The following NRXN1 variants were observed in gnomAD, a reference collection of about 807,000 sequenced individuals.
The protein encoded by NRXN1 is neurexin-1.
Under a neutral mutation model 150.9 loss-of-function variants are expected in NRXN1, and 39 were observed. The observed-to-expected ratio is 0.26, with a 90% CI of 0.20 to 0.34. NRXN1 has a LOEUF of 0.34. NRXN1 is among the 10% of genes least tolerant of loss of function. The probability of loss-of-function intolerance (pLI) is 1.00; values close to 1 mark genes in which losing one functional copy is unlikely to be tolerated. For synonymous variants in NRXN1, 924 were observed against 757.0 expected, an observed-to-expected ratio of 1.22 and a Z score of -3.62; for missense variants, 1,815 against 1,949.9, an observed-to-expected ratio of 0.93 and a Z score of 1.30.
chr2:50,326,340 C>G (rs990111794), intron 17 of NRXN1, among the ~76,000 whole-genome samples: 1 of 152,094 alleles, frequency 6.6e-6, no homozygotes, highest in African/African-American at 2.4e-5. Flanking sequence ...AATTTTATCC[C>G]TCAGCTGTTT....
chr2:50,720,638 T>C (rs1299877627), intron 5 of NRXN1, among the ~76,000 whole-genome samples: 1 of 152,168 alleles, frequency 6.6e-6, no homozygotes, highest in Non-Finnish European at 1.5e-5. Context: ...AATATTACAT[T>C]TTGCATTTAT....
rs1456655708 is a variant in NRXN1, at chr2:50,535,584, T to G, written c.2143+2669A>C. The stretch of plus-strand genomic sequence containing the variant: ...TACATATAACAGAATAATTTTTATA[T>G]GATCAAGTCTCCACAAATTCTCAGT... On this transcript the variant is annotated intron_variant, in intron 10 of 22. Coordinates refer to ENST00000401669, the MANE Select transcript of NRXN1 (RefSeq NM_001330078.2). Among the ~76,000 whole-genome samples, 4 of 152,226 alleles carry G rather than the reference T, an allele frequency of 2.6e-5. No homozygotes were observed. In the East Asian group the frequency reaches 7.7e-4, roughly 29 times the overall value.
At chr2:50,159,366 T>C (rs965318547) in intron 18 of NRXN1, among the ~76,000 whole-genome samples, 2 of 152,100 alleles carry the variant, frequency 1.3e-5, no homozygotes, top group African/African-American at 4.8e-5. Context: ...CTTAGTTATT[T>C]GGAGGATTAT....
intron 17 of NRXN1, among the ~76,000 whole-genome samples, chr2:50,432,498 A>G (rs2085055397): frequency 6.6e-6 from 1 of 152,188 alleles, no homozygotes; most frequent in Non-Finnish European, 1.5e-5. Context: ...AATAACTTCT[A>G]TACTTCTTTC....
At chr2:50,204,341 CGTGTGTGTGTGT>C (rs70946895) in intron 18 of NRXN1, among the ~76,000 whole-genome samples, 1 of 111,420 alleles carries the variant, frequency 9.0e-6, no homozygotes, top group African/African-American at 3.4e-5. Context: ...TAAGAAATAC[CGTGTGTGTGTGT>C]GTGTGTGTGT....
intron 5 of NRXN1, among the ~76,000 whole-genome samples, chr2:50,788,571 G>A (rs1219173370): frequency 5.9e-5 from 9 of 151,874 alleles, no homozygotes; most frequent in African/African-American, 2.2e-4. Context: ...CCTACTAGTG[G>A]CAAATGTGTG....
chr2:50,801,970 T>C (rs550072898), intron 5 of NRXN1, among the ~76,000 whole-genome samples: 2 of 152,336 alleles, frequency 1.3e-5, no homozygotes, highest in Admixed American at 6.5e-5. Flanking sequence ...ATCACTATTA[T>C]ATCATCACCT....
rs1289006475 is a variant in NRXN1, at chr2:50,347,307, C to T, written c.3365-110337G>A. On this transcript the variant is annotated intron_variant, in intron 17 of 22. Coordinates refer to ENST00000401669, the MANE Select transcript of NRXN1 (RefSeq NM_001330078.2). This position sits in a 1 kb window ranked among gnomAD's most constrained non-coding sequence, Gnocchi z 4.9. The stretch of plus-strand genomic sequence containing the variant: ...AGTTTCGGGCGAGAGTGCGTGCCGG[C>T]GGGTGGGGGGCCGAGAAATTGTTTA... The T allele has an allele frequency of 2.4e-6, 3 of 1,266,710 alleles. No homozygotes were observed. Among genetic ancestry groups the T allele is most frequent in the Non-Finnish European group, 3.1e-6 (3 of 979,530 alleles). 78.5% of individuals were successfully genotyped at this position (1,266,710 alleles called of 1,614,324 possible).
intron 18 of NRXN1, among the ~76,000 whole-genome samples, chr2:50,213,686 G>C (rs936960944): frequency 6.6e-6 from 1 of 151,442 alleles, no homozygotes; most frequent in East Asian, 2.0e-4. Context: ...ATGCCTCCTC[G>C]AGTCATTAGC....
chr2:50,760,201 C>T (rs918207710), intron 5 of NRXN1, among the ~76,000 whole-genome samples: 10 of 151,868 alleles, frequency 6.6e-5, no homozygotes, highest in South Asian at 2.1e-4. Flanking sequence ...GCTTGGAAAA[C>T]GGATCTGTCC....
intron 18 of NRXN1, among the ~76,000 whole-genome samples, chr2:50,147,926 G>T (rs1201897037): frequency 6.6e-6 from 1 of 151,588 alleles, no homozygotes; most frequent in Non-Finnish European, 1.5e-5. Flanking sequence ...AGGAATCCTA[G>T]CTTACAAAGT....
chr2:50,616,445 A>G (rs1403998431), intron 8 of NRXN1: 2 of 152,170 alleles, frequency 1.3e-5, no homozygotes, highest in East Asian at 3.8e-4. Context: ...TCTAAGGAAT[A>G]TGAGATTATA....
chr2:50,184,925 G>T (rs911265868), intron 18 of NRXN1, among the ~76,000 whole-genome samples: 3 of 152,094 alleles, frequency 2.0e-5, no homozygotes, highest in Non-Finnish European at 4.4e-5. Context: ...GGTAGGATTT[G>T]AATTAAGGAA....
At chr2:50,838,573 C>T (rs151210137) in intron 5 of NRXN1, among the ~76,000 whole-genome samples, 1 of 152,132 alleles carries the variant, frequency 6.6e-6, no homozygotes, top group East Asian at 1.9e-4. Context: ...TTTGTGTGGG[C>T]TCCAATCCAG....
intron 2 of NRXN1, among the ~76,000 whole-genome samples, chr2:50,978,503 A>G (rs549031207): frequency 1.3e-5 from 2 of 151,574 alleles, no homozygotes; most frequent in East Asian, 3.9e-4. Context: ...ATCTCTTACC[A>G]GATATCTAAT....
chr2:50,120,133 A>T (rs920585343), intron 18 of NRXN1, among the ~76,000 whole-genome samples: 5 of 149,800 alleles, frequency 3.3e-5, no homozygotes, highest in African/African-American at 1.3e-4. Context: ...ACTTGTAATT[A>T]TTCACTTTGT....
chr2:50,675,318 G>A (rs1291770426), intron 5 of NRXN1, among the ~76,000 whole-genome samples: 2 of 152,118 alleles, frequency 1.3e-5, no homozygotes, highest in Non-Finnish European at 1.5e-5. Context: ...ATTAATTGGC[G>A]ATACTGCTTG....
Position 50,791,297 on chromosome 2 carries a change from T to C in NRXN1, c.832+130572A>G, listed in dbSNP as rs528438683. On this transcript the variant is annotated intron_variant, in intron 5 of 22. Transcript: ENST00000401669. ...GAAATAGTCAAAATGCTACAGGAGA[T>C]TCCAAACTGCTTGCTACAAAAAAAA... is the stretch of plus-strand genomic sequence containing the variant. Among the ~76,000 whole-genome samples, 3 of 124,240 alleles carry C rather than the reference T, an allele frequency of 2.4e-5. No homozygotes were observed. The South Asian group carries it at 8.1e-4, about 34-fold the overall frequency. 81.5% of individuals were successfully genotyped at this position (124,240 alleles called of 152,430 possible).
At chr2:50,912,881 T>C (rs1332091958) in intron 5 of NRXN1, 1 of 151,754 alleles carries the variant, frequency 6.6e-6, no homozygotes, top group Non-Finnish European at 1.5e-5. Context: ...GTCCTCACAT[T>C]CATCAGTCTA....
Sources: allele counts gnomAD v4.1 joint callset (sites outside exome capture counted in the v4.1 genomes callset), GRCh38; gene constraint gnomAD v4.1.1; non-coding constraint Gnocchi (gnomAD v3.1); transcripts MANE v1.5; gene names NCBI Gene and HGNC (gene_info 2026-07-23, HGNC 2026-07-21).